The following CLUH variants were observed in gnomAD, a reference collection of about 807,000 sequenced individuals.
CLUH encodes the protein clustered mitochondria protein homolog.
In CLUH, 77 loss-of-function variants were observed where a neutral mutation model predicts 139.3. The ratio of observed to expected loss-of-function variants is 0.55; its 90% confidence interval spans 0.46 to 0.67. The LOEUF (loss-of-function observed/expected upper bound fraction) is 0.67. Ranked by LOEUF, CLUH falls within the 30% of genes least tolerant of loss-of-function variation. CLUH has a pLI of 0.00. For missense variants in CLUH, 1,876 were observed against 1,875.8 expected (o/e 1.00, Z 0.00); for synonymous variants, 999 against 801.6 (o/e 1.25, Z -4.16).
In CLUH at chr17:2,697,752, C is replaced by T. The variant is rs1034136029; in HGVS notation, c.1961+144G>A. 5.4e-5 allele frequency: 43 copies of T among 795,574 alleles called. No homozygotes were observed. In the Admixed American group the frequency reaches 1.0e-3, roughly 19 times the overall value. The allele number at this position is 795,574 out of a possible 1,614,324, so 49.3% of individuals were successfully genotyped here. On this transcript the variant is annotated intron_variant, in intron 10 of 25. Coordinates refer to ENST00000651024, the MANE Select transcript of CLUH (RefSeq NM_001366661.1). Reference sequence around the variant, plus strand: ...AGCCTGACAGCAGGGCAGGTGGGGACGGGTCTCCAATGACTGTGGCTAGAC... The same window carrying T: ...AGCCTGACAGCAGGGCAGGTGGGGATGGGTCTCCAATGACTGTGGCTAGAC...
In CLUH at chr17:2,695,467, C is replaced by A; in HGVS notation, c.2451G>T (p.Val817=). 1 of 1,611,070 alleles carries A rather than the reference C, an allele frequency of 6.2e-7. No homozygotes were observed. Among genetic ancestry groups the A allele is most frequent in the Non-Finnish European group, 8.5e-7 (1 of 1,179,768 alleles). The change falls in exon 14 of 26, where the codon GTG becomes GTT. Residue 817 remains valine, a synonymous_variant. Transcript: ENST00000651024. ...LPVDGATLAE[V]MRQRGINMRY... ...GCATGTTGATGCCCCGCTGGCGCAT[C>A]ACCTCTGCCAGCGTTGCCCCGTCCA...
rs913082622 is a variant in CLUH, at chr17:2,707,428, C to G, written c.101-2864G>C. On this transcript the variant is annotated intron_variant, in intron 1 of 25. Transcript: ENST00000651024. This position sits in a 1 kb window ranked among gnomAD's most constrained non-coding sequence, Gnocchi z 7.4. Reference sequence around the variant, plus strand: ...CCCTGCCTGGCATCCCGCTCAAGGTCGGCCAGAAGGACGGCTGTGGGCCAG... The same window carrying G: ...CCCTGCCTGGCATCCCGCTCAAGGTGGGCCAGAAGGACGGCTGTGGGCCAG... 1.0e-6 allele frequency: 1 copy of G among 985,308 alleles called. No individual in the cohort carries two copies. The allele number at this position is 985,308 out of a possible 1,614,324, so 61.0% of individuals were successfully genotyped here.
At position 2,692,766 on chromosome 17, in the gene CLUH, C is replaced by G. The variant is rs2069755891; in HGVS notation, c.3312+14G>C. ...CCCTCGCATCCCCCGGCGCGGGCGG[C>G]ACTCGCGACTCACGTATTCCTGGAT... On this transcript the variant is annotated intron_variant, in intron 20 of 25. Transcript: ENST00000651024. 10 of 1,599,738 alleles carry G rather than the reference C, an allele frequency of 6.3e-6. No homozygotes were observed. The highest frequency in any genetic ancestry group is 7.7e-6 in the Non-Finnish European group (9 of 1,170,580).
Position 2,703,255 on chromosome 17 carries a change from G to T in CLUH, c.475+63C>A. 3.3e-6 allele frequency: 5 copies of T among 1,515,210 alleles called. No homozygotes were observed. The highest frequency in any genetic ancestry group is 4.5e-6 in the Non-Finnish European group (5 of 1,121,766). The allele number at this position is 1,515,210 out of a possible 1,614,324, so 93.9% of individuals were successfully genotyped here. ...TGACACAGGGACCCTGGCATGGATG[G>T]TGCTGCCTGCCTCTGCCTCCGTGGG... On this transcript the variant is annotated intron_variant, in intron 3 of 25. Transcript: ENST00000651024. This position sits in a 1 kb window ranked among gnomAD's most constrained non-coding sequence, Gnocchi z 4.2.
At chr17:2,692,928 C>T (rs775316629) in intron 19 of CLUH, 68 bp from the exon 20 acceptor site, 9 of 1,453,414 alleles carry the variant, frequency 6.2e-6, no homozygotes, top group African/African-American at 5.7e-5. Context: ...CGCCTGGCCC[C>T]GGCCCAGCAG....
chr17:2,696,538 G>T lies in CLUH; in HGVS notation c.2186C>A (p.Ala729Glu), dbSNP rs757288802. ...GATCACCTCCCGGCTCCGAGGGTCT[G>T]CTGTGGAGACATGGCTCCATGAGAC... ...AETIAADDGT[A>E]DPRSREVIRN... The change falls in exon 12 of 26, where the codon GCA (alanine) becomes GAA (glutamate). Residue 729 changes from alanine to glutamate, a missense_variant and splice_region_variant. By Grantham distance (107) the Ala-to-Glu change is moderately radical. Transcript: ENST00000651024. The T allele has an allele frequency of 3.8e-6, 6 of 1,565,962 alleles. No homozygotes were observed. Among genetic ancestry groups the T allele is most frequent in the Non-Finnish European group, 4.3e-6 (5 of 1,159,846 alleles).
At chr17:2,693,017 G>A in intron 19 of CLUH, 157 bp from the exon 20 acceptor site, 1 of 582,218 alleles carries the variant, frequency 1.7e-6, no homozygotes, top group Admixed American at 3.6e-5. Flanking sequence ...GGGATCAGCA[G>A]CAGCTGCTGC....
Position 2,700,722 on chromosome 17 carries a change from C to T in CLUH, c.1129G>A (p.Ala377Thr), listed in dbSNP as rs772080746. 4.0e-5 allele frequency: 62 copies of T among 1,539,216 alleles called. No homozygotes were observed. Among genetic ancestry groups the T allele is most frequent in the African/African-American group, 5.5e-5 (4 of 72,344 alleles). The change falls in exon 8 of 26, where the codon GCC (alanine) becomes ACC (threonine). Residue 377 changes from alanine to threonine, a missense_variant. Transcript: ENST00000651024. ...TCATAGCCCAGCCTCGAGGTGTAGG[C>T]GTCCTCTGCACGCACGCAATCCATG... ...HAMDCVRAEDAYTSRLGYEEH... is the reference protein window; with the variant it reads ...HAMDCVRAEDTYTSRLGYEEH...
chr17:2,690,563 C>T lies in CLUH; in HGVS notation c.*31G>A. On this transcript the variant is annotated 3_prime_UTR_variant, in exon 26 of 26. Transcript: ENST00000651024. ...GCAGTCGGGCTCCCTGGTGACGGGG[C>T]CGCTGGCTGGCTGTCCGTCTGGCTC... 7.0e-7 allele frequency: 1 copy of T among 1,421,930 alleles called. No individual in the cohort carries two copies. Among genetic ancestry groups the T allele is most frequent in the African/African-American group, 1.5e-5 (1 of 67,210 alleles). 88.1% of individuals were successfully genotyped at this position (1,421,930 alleles called of 1,614,324 possible).
In CLUH at chr17:2,704,243, G is replaced by T. The variant is rs1597623234; in HGVS notation, c.303+119C>A. 1.9e-6 allele frequency: 2 copies of T among 1,072,214 alleles called. No homozygotes were observed. The highest frequency in any genetic ancestry group is 2.7e-6 in the Non-Finnish European group (2 of 750,868). The allele number at this position is 1,072,214 out of a possible 1,614,324, so 66.4% of individuals were successfully genotyped here. The stretch of plus-strand genomic sequence containing the variant: ...CTGAGTGACTCTAGGGAGGGCACGG[G>T]ATCCTCAGTTTCCTGCCACAAAATG... On this transcript the variant is annotated intron_variant, in intron 2 of 25. Coordinates refer to ENST00000651024, the MANE Select transcript of CLUH (RefSeq NM_001366661.1). The surrounding 1 kb of genome is among the most constrained non-coding windows in gnomAD (Gnocchi z 5.7).
Position 2,691,940 on chromosome 17 carries a change from G to GCCCCGCCCCCGCCCCGC in CLUH, c.3654+47_3655-46dup, listed in dbSNP as rs1949611290. The GCCCCGCCCCCGCCCCGC allele has an allele frequency of 2.2e-5, 28 of 1,298,928 alleles. No homozygotes were observed. The African/African-American group carries it at 5.3e-4, about 25-fold the overall frequency. The allele number at this position is 1,298,928 out of a possible 1,614,324, so 80.5% of individuals were successfully genotyped here. The stretch of plus-strand genomic sequence containing the variant: ...GATCAGGCCCCCCCGTGCCCCCGCG[G>GCCCCGCCCCCGCCCCGC]CCCCGCCCCCGCCCCGCCACGCCCC... On this transcript the variant is annotated intron_variant, in intron 23 of 25. Coordinates refer to ENST00000651024, the MANE Select transcript of CLUH (RefSeq NM_001366661.1).
chr17:2,696,180 G>A lies in CLUH; in HGVS notation c.2370C>T (p.Leu790=), dbSNP rs769840776. 17 of 1,565,914 alleles carry A rather than the reference G, an allele frequency of 1.1e-5. No homozygotes were observed. Among genetic ancestry groups the A allele is most frequent in the Admixed American group, 1.9e-5 (1 of 52,804 alleles). ...QLLKDAAAFL[L]SCQIPGLVKD... is the part of the protein sequence containing the mutation. ...TCACCAAGCCAGGGATCTGGCAGGAGAGCAGGAAGGCAGCCGCGTCCTTCA... is the reference window on the plus strand; with the variant it reads ...TCACCAAGCCAGGGATCTGGCAGGAAAGCAGGAAGGCAGCCGCGTCCTTCA... Residue 790 remains leucine, a synonymous_variant, in exon 13 of 26, where the codon CTC becomes CTT. Transcript: ENST00000651024.
rs2069702269 is a variant in CLUH at position 2,692,018 on chromosome 17, T to C, written c.3640A>G (p.Ile1214Val). ...ALQHEKEGYT[I>V]YKTQLGEDHE... is the part of the protein sequence containing the mutation. The stretch of plus-strand genomic sequence containing the variant: ...CCGCCGCGCACCTGCGTCTTGTAGA[T>C]GGTGTAACCCTCCTTCTCGTGCTGC... The change falls in exon 23 of 26, where the codon ATC becomes GTC. Residue 1214 changes from isoleucine (I) to valine (V), a missense_variant. By Grantham distance (29) the Ile-to-Val change is conservative (BLOSUM62 3). Coordinates refer to ENST00000651024, the MANE Select transcript of CLUH (RefSeq NM_001366661.1). 6.4e-7 allele frequency: 1 copy of C among 1,558,358 alleles called. No individual in the cohort carries two copies. The highest frequency in any genetic ancestry group is 1.8e-5 in the Admixed American group (1 of 55,630).
intron 13 of CLUH, 146 bp from the exon 14 acceptor site, chr17:2,695,672 AG>A (rs2069912958): frequency 1.8e-6 from 2 of 1,105,418 alleles, no homozygotes; most frequent in Admixed American, 5.8e-5. Flanking sequence ...GAATGTGCCC[AG>A]CCTCTGGCAG....
chr17:2,698,203 G>T lies in CLUH; in HGVS notation c.1654C>A (p.His552Asn), dbSNP rs746108210. 14 of 1,579,422 alleles carry T rather than the reference G, an allele frequency of 8.9e-6. No homozygotes were observed. The highest frequency in any genetic ancestry group is 2.7e-5 in the African/African-American group (2 of 74,092). The change falls in exon 10 of 26, where the codon CAC (histidine) becomes AAC (asparagine). Residue 552 changes from histidine (H) to asparagine (N), a missense_variant. By Grantham distance (68) the His-to-Asn change is moderately conservative (BLOSUM62 1). Transcript: ENST00000651024. ...TCCAGCAGCTCCAGGTACCGCGGGT[G>T]TGACACCACGGTCTTGCCGAAGTCG... ...SIDFGKTVVS[H>N]PRYLELLERT...
chr17:2,700,810 C>A lies in CLUH; in HGVS notation c.1041G>T (p.Pro347=), dbSNP rs374750194. The change falls in exon 8 of 26, where the codon CCG becomes CCT. Residue 347 remains proline, a synonymous_variant. Transcript: ENST00000651024. ...GGAATGGGGTGGCGATCCTCTCGAA[C>A]GGGTGGCGCTGGACCCTGTGGCAGG... ...VLQKKRVQRH[P]FERIATPFQV... The A allele has an allele frequency of 3.5e-5, 53 of 1,526,164 alleles. No homozygotes were observed. In the African/African-American group the frequency reaches 4.0e-4, roughly 12 times the overall value. 94.5% of individuals were successfully genotyped at this position (1,526,164 alleles called of 1,614,324 possible).
rs1296211645 is a variant in CLUH, at chr17:2,691,748, G to T, written c.3789+13C>A. On this transcript the variant is annotated intron_variant, in intron 24 of 25. Coordinates refer to ENST00000651024, the MANE Select transcript of CLUH (RefSeq NM_001366661.1). ...CTCGCCGGGCCGGAGGGGCCGCTCC[G>T]CCCCGGACTCACCTTGAGGGGCGGG... 1 of 1,596,974 alleles carries T rather than the reference G, an allele frequency of 6.3e-7. No homozygotes were observed. The highest frequency in any genetic ancestry group is 1.3e-5 in the African/African-American group (1 of 74,618).
chr17:2,700,548 T>C lies in CLUH; in HGVS notation c.1174-74A>G, dbSNP rs528344857. 184 of 1,557,160 alleles carry C rather than the reference T, an allele frequency of 1.2e-4. No homozygotes were observed. In the African/African-American group the frequency reaches 2.3e-3, roughly 20 times the overall value. ...ACCTGCTCCCGGAAGTCGCTCCTTC[T>C]ACCTTCCTGAGAAGAGCCCCAGACT... On this transcript the variant is annotated intron_variant, in intron 8 of 25. Coordinates refer to ENST00000651024, the MANE Select transcript of CLUH (RefSeq NM_001366661.1).
intron 1 of CLUH, among the ~76,000 whole-genome samples, chr17:2,705,068 TGCCCCGTGGCTCACACG>T: frequency 6.8e-6 from 1 of 146,280 alleles, no homozygotes; most frequent in Non-Finnish European, 1.5e-5. Context: ...CATACACTCC[TGCCCCGTGGCTCACACG>T]GCCAATCCTG....
Sources: gnomAD v4.1 joint callset for allele counts (sites outside exome capture counted in the v4.1 genomes callset) on GRCh38, gnomAD v4.1.1 for gene constraint, Gnocchi (gnomAD v3.1) non-coding constraint, MANE v1.5 for transcripts, NCBI Gene and HGNC (gene_info 2026-07-23, HGNC 2026-07-21) for gene names.